Variants in CNTN4 observed in about 807,000 individuals in gnomAD.
CNTN4 encodes contactin-4.
Under a neutral mutation model 122.5 loss-of-function variants are expected in CNTN4, and 77 were observed. The observed-to-expected ratio is 0.63, with a 90% CI of 0.52 to 0.76. CNTN4 has a LOEUF of 0.76. Among genes scored for constraint, CNTN4 ranks in the 30% least tolerant of loss-of-function variants. The pLI, the probability that CNTN4 is intolerant of heterozygous loss-of-function variation, is 0.00. For synonymous variants in CNTN4, 512 were observed against 447.0 expected (o/e 1.15, Z -1.83); for missense variants, 1,256 against 1,259.1 (o/e 1.00, Z 0.04).
At chr3:2,460,754 G>A (rs2049174666) in intron 3 of CNTN4, among the ~76,000 whole-genome samples, 1 of 152,204 alleles carries the variant, frequency 6.6e-6, no homozygotes, top group Non-Finnish European at 1.5e-5. Context: ...TCTATTAAAT[G>A]TGAGGGGCAT....
chr3:2,958,584 T>G (rs1446195853), intron 13 of CNTN4, among the ~76,000 whole-genome samples: 1 of 152,182 alleles, frequency 6.6e-6, no homozygotes, highest in African/African-American at 2.4e-5. Context: ...AGATAAGTTC[T>G]ACCCCAAGTA....
Position 2,364,472 on chromosome 3 carries a change from G to C in CNTN4, c.-89+25239G>C, listed in dbSNP as rs908572245. Among the ~76,000 whole-genome samples, 36 of 152,176 alleles carry C rather than the reference G, an allele frequency of 2.4e-4. 2 individuals are homozygous for C. Among genetic ancestry groups the C allele is most frequent in the African/African-American group, 8.2e-4 (34 of 41,536 alleles). On this transcript the variant is annotated intron_variant, in intron 3 of 24. Transcript: ENST00000418658. Reference sequence around the variant, plus strand: ...TCCTACTGGAATCTTTGGAAGTGTTGACAATAGAATTTCCTTTAAAAAACC... The same window carrying C: ...TCCTACTGGAATCTTTGGAAGTGTTCACAATAGAATTTCCTTTAAAAAACC...
intron 3 of CNTN4, among the ~76,000 whole-genome samples, chr3:2,569,544 T>G (rs566341380): frequency 1.3e-5 from 2 of 152,292 alleles, no homozygotes; most frequent in African/African-American, 4.8e-5. Flanking sequence ...GTAATATATT[T>G]TTTTACATGA....
intron 11 of CNTN4, among the ~76,000 whole-genome samples, chr3:2,902,123 C>G (rs1300066484): frequency 6.6e-6 from 1 of 152,192 alleles, no homozygotes; most frequent in African/African-American, 2.4e-5. Flanking sequence ...AGCTAACTCA[C>G]AACCCTGCGG....
intron 16 of CNTN4, among the ~76,000 whole-genome samples, chr3:3,032,165 C>T (rs1380523162): frequency 2.6e-5 from 4 of 152,118 alleles, no homozygotes; most frequent in East Asian, 1.9e-4. Flanking sequence ...AAACTTTCAA[C>T]CGAGGTAGAT....
intron 14 of CNTN4, among the ~76,000 whole-genome samples, chr3:3,024,396 A>C (rs1698552559): frequency 6.6e-6 from 1 of 150,940 alleles, no homozygotes; most frequent in Admixed American, 6.6e-5. Flanking sequence ...AAAAAAAAAA[A>C]AAAAAAAAAA....
intron 3 of CNTN4, among the ~76,000 whole-genome samples, chr3:2,426,984 G>A (rs953045295): frequency 2.1e-4 from 32 of 151,956 alleles, no homozygotes; most frequent in African/African-American, 7.7e-4. Context: ...AGTCTTGCTA[G>A]CGGTCTATCA....
At chr3:2,264,078 C>T (rs887698988) in intron 2 of CNTN4, among the ~76,000 whole-genome samples, 1 of 152,132 alleles carries the variant, frequency 6.6e-6, no homozygotes, top group African/African-American at 2.4e-5. Context: ...GTAAGCACGG[C>T]AGTGCAGATA....
At chr3:2,777,741 C>A (rs533540865) in intron 6 of CNTN4, among the ~76,000 whole-genome samples, 1 of 152,328 alleles carries the variant, frequency 6.6e-6, no homozygotes, top group Admixed American at 6.5e-5. Flanking sequence ...ACCTAGGACA[C>A]AAATTCTTTC....
At chr3:2,707,211 T>C (rs1296652109) in intron 4 of CNTN4, among the ~76,000 whole-genome samples, 2 of 151,194 alleles carry the variant, frequency 1.3e-5, no homozygotes, top group Non-Finnish European at 2.9e-5. Context: ...GAGCCTGAGG[T>C]GGGAGAGTCA....
intron 2 of CNTN4, among the ~76,000 whole-genome samples, chr3:2,292,549 A>G (rs762285726): frequency 2.0e-5 from 3 of 152,160 alleles, no homozygotes; most frequent in Non-Finnish European, 2.9e-5. Flanking sequence ...TAATTTTCCA[A>G]AGTTCTTTTA....
At chr3:2,812,524 G>A (rs2092636980) in intron 6 of CNTN4, among the ~76,000 whole-genome samples, 1 of 152,128 alleles carries the variant, frequency 6.6e-6, no homozygotes. Flanking sequence ...ACTAGCAGAA[G>A]AGGATATATT....
intron 2 of CNTN4, among the ~76,000 whole-genome samples, chr3:2,183,880 C>T (rs1196355875): frequency 2.0e-5 from 3 of 152,106 alleles, no homozygotes; most frequent in African/African-American, 7.2e-5. Flanking sequence ...GAAACAAATA[C>T]GTTTGGAAAA....
intron 6 of CNTN4, among the ~76,000 whole-genome samples, chr3:2,788,668 G>A (rs939458137): frequency 3.3e-5 from 5 of 152,044 alleles, no homozygotes; most frequent in South Asian, 2.1e-4. Context: ...AAATTAAAAA[G>A]CATTTATCCT....
intron 2 of CNTN4, among the ~76,000 whole-genome samples, chr3:2,300,353 T>C (rs1323568147): frequency 6.6e-6 from 1 of 152,104 alleles, no homozygotes; most frequent in Non-Finnish European, 1.5e-5. Context: ...ATGTGTAACG[T>C]TCTCAAAATA....
chr3:2,576,710 G>A (rs574853502), intron 4 of CNTN4, among the ~76,000 whole-genome samples: 12 of 152,182 alleles, frequency 7.9e-5, no homozygotes, highest in African/African-American at 2.6e-4. Flanking sequence ...ACCACGCCCA[G>A]CTAGTTTTTG....
At chr3:2,122,048 G>A (rs532273279) in intron 2 of CNTN4, among the ~76,000 whole-genome samples, 35 of 151,948 alleles carry the variant, frequency 2.3e-4, no homozygotes, top group Admixed American at 4.6e-4. Flanking sequence ...CCAGCTACTC[G>A]GGAGGCTGAG....
chr3:3,034,934 T>A, intron 17 of CNTN4, 144 bp downstream of exon 17: 3 of 876,144 alleles, frequency 3.4e-6, no homozygotes, highest in Non-Finnish European at 5.6e-6. Context: ...CGGCCAACTG[T>A]ACTATCATTA....
At chr3:2,792,544 C>T (rs2149984771) in intron 6 of CNTN4, among the ~76,000 whole-genome samples, 1 of 152,286 alleles carries the variant, frequency 6.6e-6, no homozygotes, top group East Asian at 1.9e-4. Flanking sequence ...GCTTCCTAAG[C>T]AAGAATGCTA....
Sources: gnomAD v4.1 joint callset for allele counts (sites outside exome capture counted in the v4.1 genomes callset) on GRCh38, gnomAD v4.1.1 for gene constraint, MANE v1.5 for transcripts, NCBI Gene and HGNC (gene_info 2026-07-23, HGNC 2026-07-21) for gene names.